ABCC1: variants seen among roughly 807,000 people sequenced by gnomAD.
ABCC1 encodes multidrug resistance-associated protein 1.
ABCC1 carries 83 observed loss-of-function variants against 172.9 expected under a neutral mutation model. The ratio of observed to expected loss-of-function variants is 0.48; its 90% CI spans 0.40 to 0.58. ABCC1 has a LOEUF of 0.58. ABCC1 is among the 20% of genes least tolerant of loss of function. The pLI is 0.00. For synonymous variants in ABCC1, 937 were observed against 825.2 expected (o/e 1.14, Z -2.32); for missense variants, 1,817 against 2,002.7 (o/e 0.91, Z 1.77).
At chr16:16,051,414 C>T (rs891715855) in intron 10 of ABCC1, among the ~76,000 whole-genome samples, 1 of 152,234 alleles carries the variant, frequency 6.6e-6, no homozygotes, top group South Asian at 2.1e-4. Flanking sequence ...CTCAAGCTAT[C>T]TTACCACTTT....
rs2051033588 is a variant in ABCC1, at chr16:16,086,972, A to AGGGGATGCTGAAGAACAAG, written c.2443_2460+1dup. 1.9e-6 allele frequency: 3 copies of AGGGGATGCTGAAGAACAAG among 1,614,054 alleles called. No individual in the cohort carries two copies. The highest frequency in any genetic ancestry group is 2.5e-6 in the Non-Finnish European group (3 of 1,180,042). On this transcript the variant is annotated frameshift_variant, in exon 18 of 31. Transcript: ENST00000399410. LOFTEE classifies it high-confidence loss of function. ...ATCTTTGAAAATGTGATTGGCCCCA[A>AGGGGATGCTGAAGAACAAG]GGGGATGCTGAAGAACAAGGTGCCT...
Position 16,086,685 on chromosome 16 carries a change from T to C in ABCC1, c.2293-139T>C, listed in dbSNP as rs905609469. On this transcript the variant is annotated intron_variant, in intron 17 of 30. Coordinates refer to ENST00000399410, the MANE Select transcript of ABCC1 (RefSeq NM_004996.4). ...GGTCTCCCTATATTGCTCAGGCTGG[T>C]CTCAAACCCCTGGTCTCAAGCAGTC... is the stretch of plus-strand genomic sequence containing the variant. 16 of 858,848 alleles carry C rather than the reference T, an allele frequency of 1.9e-5. 1 individual carries two copies. The East Asian group carries it at 1.9e-4, about 10-fold the overall frequency. 53.2% of individuals were successfully genotyped at this position (858,848 alleles called of 1,614,324 possible). A position where few individuals can be genotyped will look rare whatever the true frequency, so the allele number is the denominator to read the frequency against.
Position 16,122,826 on chromosome 16 carries a change from T to C in ABCC1, c.3590+652T>C, listed in dbSNP as rs1052210960. On this transcript the variant is annotated intron_variant, in intron 24 of 30. Transcript: ENST00000399410. ...TTCAGCCCAGGAGTTCAAAGTTGCA[T>C]TGAGCTATGATTACACCACTGCACT... is the stretch of plus-strand genomic sequence containing the variant. Among the ~76,000 whole-genome samples the C allele has an allele frequency of 1.1e-4, 16 of 151,838 alleles. 1 individual carries two copies. Among genetic ancestry groups the C allele is most frequent in the Admixed American group, 9.2e-4 (14 of 15,230 alleles).
intron 5 of ABCC1, among the ~76,000 whole-genome samples, chr16:16,021,627 G>T (rs146429873): frequency 1.1e-4 from 16 of 152,316 alleles, no homozygotes; most frequent in African/African-American, 3.9e-4. Context: ...AGAGGCAGGA[G>T]AATTGCTTGT....
chr16:15,962,271 T>C (rs1244382556), intron 1 of ABCC1, among the ~76,000 whole-genome samples: 1 of 152,226 alleles, frequency 6.6e-6, no homozygotes, highest in Non-Finnish European at 1.5e-5. Context: ...TAAACATCTT[T>C]GGACTTATTT....
At chr16:16,087,106 A>G in intron 18 of ABCC1, 115 bp downstream of exon 18, 1 of 1,175,894 alleles carries the variant, frequency 8.5e-7, no homozygotes, top group Non-Finnish European at 1.2e-6. Context: ...TTTTAATTGG[A>G]CTTTAAAGAA....
intron 5 of ABCC1, among the ~76,000 whole-genome samples, chr16:16,032,646 CAATA>C (rs1352750201): frequency 2.0e-5 from 3 of 152,134 alleles, no homozygotes; most frequent in Admixed American, 2.0e-4. Context: ...AGTAGATGGT[CAATA>C]AATATTCAGT....
At chr16:16,013,440 T>G (rs2047872431) in intron 3 of ABCC1, among the ~76,000 whole-genome samples, 1 of 151,966 alleles carries the variant, frequency 6.6e-6, no homozygotes, top group Non-Finnish European at 1.5e-5. Flanking sequence ...CTGGCTAATT[T>G]TTGTATTTTT....
chr16:16,033,129 C>T lies in ABCC1; in HGVS notation c.636C>T (p.Ser212=), dbSNP rs202105408. The part of the protein sequence containing the change: ...IHDPNPCPES[S]ASFLSRITFW... ...ACTAGAATCCCTGCCCAGAGTCCAGCGCTTCCTTCCTGTCGAGGATCACCT... is the reference window on the plus strand; with the variant it reads ...ACTAGAATCCCTGCCCAGAGTCCAGTGCTTCCTTCCTGTCGAGGATCACCT... Residue 212 remains serine (S), a synonymous_variant, in exon 6 of 31, where the codon AGC becomes AGT. Coordinates refer to ENST00000399410, the MANE Select transcript of ABCC1 (RefSeq NM_004996.4). 6.9e-5 allele frequency: 111 copies of T among 1,614,162 alleles called. No homozygotes were observed. The East Asian group carries it at 1.9e-3, about 27-fold the overall frequency.
At chr16:16,139,457 C>T (rs2046045811) in intron 30 of ABCC1, among the ~76,000 whole-genome samples, 1 of 151,406 alleles carries the variant, frequency 6.6e-6, no homozygotes, top group African/African-American at 2.4e-5. Context: ...ATTAAAAATA[C>T]AAAAAGTAGC....
chr16:15,970,232 T>C (rs1312988312), intron 1 of ABCC1, among the ~76,000 whole-genome samples: 1 of 152,160 alleles, frequency 6.6e-6, no homozygotes, highest in African/African-American at 2.4e-5. Flanking sequence ...TCCCATCTTG[T>C]TGCTCTGCTG....
At position 16,009,695 on chromosome 16, in the gene ABCC1, C is replaced by T. The variant is rs112120561; in HGVS notation, c.226-81C>T. The T allele has an allele frequency of 7.2e-5, 102 of 1,416,740 alleles. No homozygotes were observed. In the African/African-American group the frequency reaches 1.1e-3, roughly 16 times the overall value. The allele number at this position is 1,416,740 out of a possible 1,614,324, so 87.8% of individuals were successfully genotyped here. A position where few individuals can be genotyped will look rare whatever the true frequency, so the allele number is the denominator to read the frequency against. On this transcript the variant is annotated intron_variant, in intron 2 of 30. Coordinates refer to ENST00000399410, the MANE Select transcript of ABCC1 (RefSeq NM_004996.4). ...TGAAGGCTGGCTGGTTCTCCTATCC[C>T]TGGGGCTGAGCTGTTCGTGCAGGCC...
rs2045395887 is a variant in ABCC1 at position 16,125,610 on chromosome 16, G to A, written c.3718-200G>A. ...TGCCTGGCTAATTTTTATATTTTTA[G>A]TAGTGACTGATGGGGTTTCGCCACA... On this transcript the variant is annotated intron_variant, in intron 25 of 30. Coordinates refer to ENST00000399410, the MANE Select transcript of ABCC1 (RefSeq NM_004996.4). 2.0e-5 allele frequency among the ~76,000 whole-genome samples: 3 copies of A among 151,570 alleles called. No individual in the cohort carries two copies. In the South Asian group the frequency reaches 6.3e-4, roughly 32 times the overall value.
At chr16:16,096,805 C>G (rs985952528) in intron 19 of ABCC1, among the ~76,000 whole-genome samples, 1 of 152,092 alleles carries the variant, frequency 6.6e-6, no homozygotes, top group Non-Finnish European at 1.5e-5. Flanking sequence ...ACTTAACGTA[C>G]GTGGGTCAAG....
intron 1 of ABCC1, among the ~76,000 whole-genome samples, chr16:15,973,689 A>G (rs931792737): frequency 1.3e-5 from 2 of 152,114 alleles, no homozygotes; most frequent in East Asian, 1.9e-4. Context: ...TAAAATGTTC[A>G]TGTGAGCTGG....
At chr16:16,091,184 A>G (rs1273093668) in intron 19 of ABCC1, among the ~76,000 whole-genome samples, 1 of 151,986 alleles carries the variant, frequency 6.6e-6, no homozygotes, top group Non-Finnish European at 1.5e-5. Flanking sequence ...ATCCCAACAC[A>G]TAGAGAGGCT....
chr16:16,042,849 C>A (rs2049030133), intron 7 of ABCC1, among the ~76,000 whole-genome samples: 1 of 152,126 alleles, frequency 6.6e-6, no homozygotes, highest in Non-Finnish European at 1.5e-5. Context: ...CAGTCATCAT[C>A]ACAGTCAATT....
At position 16,026,464 on chromosome 16, in the gene ABCC1, C is replaced by CTTTTTTT. The variant is rs1491397616; in HGVS notation, c.616-6645_616-6644insTTTTTTT. Among the ~76,000 whole-genome samples the CTTTTTTT allele has an allele frequency of 9.6e-4, 98 of 102,268 alleles. 11 individuals carry two copies. Among genetic ancestry groups the CTTTTTTT allele is most frequent in the Non-Finnish European group, 1.2e-3 (65 of 52,784 alleles). The allele number at this position is 102,268 out of a possible 152,430, so 67.1% of individuals were successfully genotyped here. On this transcript the variant is annotated intron_variant, in intron 5 of 30. Transcript: ENST00000399410. ...AAAAAAAAAAAAAAAAAGGCTATTT[C>CTTTTTTT]CTTTTTTTTTTTTTTTTTTTTTTTG...
intron 8 of ABCC1, among the ~76,000 whole-genome samples, chr16:16,045,602 A>G (rs2049172994): frequency 6.6e-6 from 1 of 151,946 alleles, no homozygotes; most frequent in Non-Finnish European, 1.5e-5. Context: ...TGGTGATGAG[A>G]TATAGCTAGA....
Sources: allele counts gnomAD v4.1 joint callset (sites outside exome capture counted in the v4.1 genomes callset), GRCh38; gene constraint gnomAD v4.1.1; transcripts MANE v1.5; gene names NCBI Gene and HGNC (gene_info 2026-07-23, HGNC 2026-07-21).